Variants in VTCN1 observed in about 807,000 individuals in gnomAD.
VTCN1 encodes the protein V-set domain-containing T-cell activation inhibitor 1.
Under a neutral mutation model 26.5 loss-of-function variants are expected in VTCN1, and 26 were observed. The observed-to-expected ratio is 0.98, with a 90% CI of 0.72 to 1.36. The LOEUF is 1.36. VTCN1 is among the 40% of genes most tolerant of loss of function. VTCN1 has a pLI of 0.00. For missense variants in VTCN1, 298 were observed against 337.7 expected (o/e 0.88, Z 0.92); for synonymous variants, 116 against 130.7 (o/e 0.89, Z 0.77).
intron 2 of VTCN1, among the ~76,000 whole-genome samples, chr1:117,165,355 G>A (rs921114015): frequency 2.0e-5 from 3 of 152,194 alleles, no homozygotes; most frequent in Admixed American, 6.5e-5. Flanking sequence ...ATATCATCAT[G>A]ATAAAGTTTA....
chr1:117,189,465 C>T (rs528531716), intron 1 of VTCN1, among the ~76,000 whole-genome samples: 17 of 152,204 alleles, frequency 1.1e-4, no homozygotes, highest in African/African-American at 2.6e-4. Flanking sequence ...TGTCGTTCCA[C>T]GAAAGGGAGA....
chr1:117,148,744 A>G (rs995495967), intron 4 of VTCN1, among the ~76,000 whole-genome samples: 11 of 152,370 alleles, frequency 7.2e-5, no homozygotes, highest in Non-Finnish European at 1.0e-4. Flanking sequence ...GGACAAAAAA[A>G]TAAGGCAACT....
chr1:117,186,907 T>C (rs1647971719), intron 1 of VTCN1, among the ~76,000 whole-genome samples: 1 of 152,050 alleles, frequency 6.6e-6, no homozygotes, highest in Non-Finnish European at 1.5e-5. Flanking sequence ...ACCCTGTTCT[T>C]GAATTCCTTA....
In VTCN1 at chr1:117,167,688, T is replaced by G. The variant is rs1046371241; in HGVS notation, c.97+2419A>C. ...CTACTAAAAGCTATTTATTGGCCTT[T>G]TGGACATACTCCTTGTGAGCTGCTT... On this transcript the variant is annotated intron_variant, in intron 2 of 5. Coordinates refer to ENST00000369458, the MANE Select transcript of VTCN1 (RefSeq NM_024626.4). This position sits in a 1 kb window ranked among gnomAD's most constrained non-coding sequence, Gnocchi z 4.1. Among the ~76,000 whole-genome samples, 4 of 152,214 alleles carry G rather than the reference T, an allele frequency of 2.6e-5. No individual in the cohort carries two copies. The highest frequency in any genetic ancestry group is 1.3e-4 in the Admixed American group (2 of 15,282).
At chr1:117,151,539 G>A (rs1406079593) in intron 4 of VTCN1, among the ~76,000 whole-genome samples, 2 of 152,014 alleles carry the variant, frequency 1.3e-5, no homozygotes, top group Non-Finnish European at 1.5e-5. Flanking sequence ...CCTGCCTATT[G>A]GTCCATTTTA....
At chr1:117,205,774 A>T (rs1649025838) in intron 1 of VTCN1, among the ~76,000 whole-genome samples, 1 of 152,220 alleles carries the variant, frequency 6.6e-6, no homozygotes, top group South Asian at 2.1e-4. Flanking sequence ...TGCCTAGGAG[A>T]TATTGAGCAA....
At position 117,175,681 on chromosome 1, in the gene VTCN1, A is replaced by T. The variant is rs1253061397; in HGVS notation, c.33-5510T>A. On this transcript the variant is annotated intron_variant, in intron 1 of 5. Transcript: ENST00000369458. The surrounding 1 kb of genome is among the most constrained non-coding windows in gnomAD (Gnocchi z 4.2). ...CCACACATGAGCTCATTGATGCTAT[A>T]GAAACATATACTGCAGCGGACAGGC... 1.3e-5 allele frequency among the ~76,000 whole-genome samples: 2 copies of T among 152,136 alleles called. No individual in the cohort carries two copies. Among genetic ancestry groups the T allele is most frequent in the African/African-American group, 4.8e-5 (2 of 41,426 alleles).
At chr1:117,154,705 C>T (rs1443627331) in intron 3 of VTCN1, among the ~76,000 whole-genome samples, 3 of 150,418 alleles carry the variant, frequency 2.0e-5, no homozygotes, top group South Asian at 2.1e-4. Context: ...ATCACTTGAA[C>T]CTGGGAGGCG....
chr1:117,178,501 G>T (rs748510351), intron 1 of VTCN1, among the ~76,000 whole-genome samples: 1 of 149,238 alleles, frequency 6.7e-6, no homozygotes, highest in South Asian at 2.1e-4. Flanking sequence ...CAAGTGATCC[G>T]CCCACCTCGG....
intron 1 of VTCN1, among the ~76,000 whole-genome samples, chr1:117,197,394 C>G (rs1020759465): frequency 6.6e-6 from 1 of 152,106 alleles, no homozygotes; most frequent in African/African-American, 2.4e-5. Flanking sequence ...AAATTTGAGG[C>G]AGGAGAATAG....
chr1:117,203,621 T>C, intron 1 of VTCN1: 5 of 985,404 alleles, frequency 5.1e-6, no homozygotes, highest in Non-Finnish European at 6.0e-6. Flanking sequence ...TTCTTACCTG[T>C]AGAAACTTCA....
At chr1:117,202,929 A>G (rs1648858862) in intron 1 of VTCN1, among the ~76,000 whole-genome samples, 1 of 152,166 alleles carries the variant, frequency 6.6e-6, no homozygotes, top group African/African-American at 2.4e-5. Context: ...GCTGAGAGAG[A>G]GTTTTCTTTT....
chr1:117,179,317 A>G (rs561420073), intron 1 of VTCN1, among the ~76,000 whole-genome samples: 1 of 152,298 alleles, frequency 6.6e-6, no homozygotes, highest in East Asian at 1.9e-4. Context: ...ACTGATTTAG[A>G]AGAAGGGAAA....
intron 2 of VTCN1, among the ~76,000 whole-genome samples, chr1:117,163,425 G>T (rs1259660976): frequency 6.6e-6 from 1 of 152,156 alleles, no homozygotes. Flanking sequence ...TACCTGAATT[G>T]CCACATGCTA....
At chr1:117,153,586 C>T (rs1651915900) in intron 3 of VTCN1, among the ~76,000 whole-genome samples, 2 of 151,868 alleles carry the variant, frequency 1.3e-5, no homozygotes, top group African/African-American at 4.8e-5. Context: ...ACATCACAAC[C>T]CTTTGGCCAA....
Position 117,167,455 on chromosome 1 carries a change from C to T in VTCN1, c.97+2652G>A, listed in dbSNP as rs1022573938. 6.6e-6 allele frequency among the ~76,000 whole-genome samples: 1 copy of T among 152,176 alleles called. No homozygotes were observed. The highest frequency in any genetic ancestry group is 2.4e-5 in the African/African-American group (1 of 41,442). On this transcript the variant is annotated intron_variant, in intron 2 of 5. Coordinates refer to ENST00000369458, the MANE Select transcript of VTCN1 (RefSeq NM_024626.4). This position sits in a 1 kb window ranked among gnomAD's most constrained non-coding sequence, Gnocchi z 4.1. ...TGAACTTCATATGCATAGAATCATA[C>T]AGAACTTACTCTTTTGTGCTCTTCT...
chr1:117,191,893 C>A (rs1357899121), intron 1 of VTCN1, among the ~76,000 whole-genome samples: 1 of 152,036 alleles, frequency 6.6e-6, no homozygotes, highest in Non-Finnish European at 1.5e-5. Context: ...GAGTTTGAGG[C>A]TGTAGTGAGC....
rs1276597053 is a variant in VTCN1, at chr1:117,183,351, A to G, written c.33-13180T>C. Among the ~76,000 whole-genome samples, 1 of 152,252 alleles carries G rather than the reference A, an allele frequency of 6.6e-6. No individual in the cohort carries two copies. The highest frequency in any genetic ancestry group is 2.4e-5 in the African/African-American group (1 of 41,478). The stretch of plus-strand genomic sequence containing the variant: ...GAGCGTCTAGCACATAGTCTTTAAA[A>G]TATGTTGAATTAATGAATAAATAAA... On this transcript the variant is annotated intron_variant, in intron 1 of 5. Transcript: ENST00000369458. This position sits in a 1 kb window ranked among gnomAD's most constrained non-coding sequence, Gnocchi z 4.1.
At chr1:117,174,366 T>C (rs993626755) in intron 1 of VTCN1, among the ~76,000 whole-genome samples, 2 of 152,166 alleles carry the variant, frequency 1.3e-5, no homozygotes, top group Non-Finnish European at 2.9e-5. Flanking sequence ...AATGGAGAGA[T>C]GATATAAACA....
Sources: allele counts gnomAD v4.1 joint callset (sites outside exome capture counted in the v4.1 genomes callset), GRCh38; gene constraint gnomAD v4.1.1; non-coding constraint Gnocchi (gnomAD v3.1); transcripts MANE v1.5; gene names NCBI Gene and HGNC (gene_info 2026-07-23, HGNC 2026-07-21).